The following FAM78B variants were observed in gnomAD, a reference collection of about 807,000 sequenced individuals.
FAM78B encodes family with sequence similarity 78 member B, also known as protein FAM78B.
FAM78B carries 10 observed loss-of-function variants against 20.0 expected under a neutral mutation model. The observed-to-expected ratio is 0.50, with a 90% CI of 0.31 to 0.85. The LOEUF is 0.85. Ranked by LOEUF, FAM78B falls within the 40% of genes least tolerant of loss-of-function variation. The pLI is 0.05. For synonymous variants in FAM78B, 135 were observed against 132.8 expected (o/e 1.02, Z -0.12); for missense variants, 283 against 345.0 (o/e 0.82, Z 1.42).
At chr1:166,085,045 C>T (rs1265047325) in intron 1 of FAM78B, among the ~76,000 whole-genome samples, 1 of 152,194 alleles carries the variant, frequency 6.6e-6, no homozygotes, top group Non-Finnish European at 1.5e-5. Flanking sequence ...AAGGAAGACT[C>T]CTAGTATGGA....
rs528358161 is a variant in FAM78B, at chr1:166,138,333, CCT to C, written c.263+27651_263+27652del. On this transcript the variant is annotated intron_variant, in intron 1 of 1. Coordinates refer to ENST00000354422, the MANE Select transcript of FAM78B (RefSeq NM_001017961.5). ...GGTCCTTCAAGGAAGTTGCCCACCCCCTGTGTTTCTCTTTCTTCATCCTCAAT... is the reference window on the plus strand; with the variant it reads ...GGTCCTTCAAGGAAGTTGCCCACCCCGTGTTTCTCTTTCTTCATCCTCAAT... Among the ~76,000 whole-genome samples the C allele has an allele frequency of 2.1e-4, 32 of 152,238 alleles. No homozygotes were observed. The East Asian group carries it at 2.9e-3, about 14-fold the overall frequency.
At chr1:166,131,443 G>A (rs868299645) in intron 1 of FAM78B, among the ~76,000 whole-genome samples, 155 of 152,292 alleles carry the variant, frequency 1.0e-3, no homozygotes, top group Middle Eastern at 3.4e-3. Context: ...ACTGTTCCAC[G>A]TTACAGAGGG....
chr1:166,110,688 G>A (rs977874674), intron 1 of FAM78B, among the ~76,000 whole-genome samples: 1 of 152,170 alleles, frequency 6.6e-6, no homozygotes, highest in African/African-American at 2.4e-5. Flanking sequence ...GGAGACCTGA[G>A]GAGTCTCTGC....
intron 1 of FAM78B, among the ~76,000 whole-genome samples, chr1:166,123,384 T>C (rs2101770727): frequency 6.6e-6 from 1 of 152,372 alleles, no homozygotes; most frequent in Admixed American, 6.5e-5. Context: ...TCTCCATTCC[T>C]ACTTCAATGA....
intron 1 of FAM78B, among the ~76,000 whole-genome samples, chr1:166,127,439 T>C (rs1557910066): frequency 6.6e-6 from 1 of 152,194 alleles, no homozygotes; most frequent in Admixed American, 6.5e-5. Context: ...CTCTATTACA[T>C]GGAGAGTCCA....
downstream of FAM78B, among the ~76,000 whole-genome samples, chr1:166,066,242 T>A (rs1033200492): frequency 2.0e-5 from 3 of 152,216 alleles, no homozygotes; most frequent in African/African-American, 7.2e-5. Context: ...AGTACTCTGC[T>A]AAGAGCTGCT....
At chr1:166,105,335 A>G (rs1222346221) in intron 1 of FAM78B, among the ~76,000 whole-genome samples, 2 of 152,194 alleles carry the variant, frequency 1.3e-5, no homozygotes, top group Admixed American at 1.3e-4. Flanking sequence ...CAATGGCAAC[A>G]AAAGCCAAAA....
chr1:166,081,377 C>G (rs1652567549), intron 1 of FAM78B: 1 of 152,170 alleles, frequency 6.6e-6, no homozygotes. Context: ...CCTCTGCTGA[C>G]TTGTTTCAAT....
intron 1 of FAM78B, among the ~76,000 whole-genome samples, chr1:166,141,209 C>A (rs1021083938): frequency 1.3e-5 from 2 of 152,194 alleles, no homozygotes; most frequent in African/African-American, 4.8e-5. Context: ...CAGCAATGTG[C>A]AACGTACATA....
intron 1 of FAM78B, among the ~76,000 whole-genome samples, chr1:166,122,190 G>A (rs1254285744): frequency 1.3e-5 from 2 of 152,174 alleles, no homozygotes; most frequent in African/African-American, 4.8e-5. Context: ...TAGGGGAGGA[G>A]ATAAGCATAG....
chr1:166,116,028 G>A (rs983549418), intron 1 of FAM78B, among the ~76,000 whole-genome samples: 2 of 152,206 alleles, frequency 1.3e-5, no homozygotes, highest in Non-Finnish European at 2.9e-5. Context: ...GTGTGTGAGT[G>A]CACACAGCTA....
chr1:166,150,981 G>A (rs1426774223), intron 1 of FAM78B, among the ~76,000 whole-genome samples: 1 of 152,176 alleles, frequency 6.6e-6, no homozygotes, highest in Non-Finnish European at 1.5e-5. Flanking sequence ...GAAATGTTTA[G>A]AAGTTGGATG....
intron 1 of FAM78B, among the ~76,000 whole-genome samples, chr1:166,108,566 G>A (rs2101754374): frequency 6.6e-6 from 1 of 152,252 alleles, no homozygotes; most frequent in South Asian, 2.1e-4. Context: ...AATCAATATT[G>A]TGAAAATGAC....
At chr1:166,084,199 T>C (rs1014617665) in intron 1 of FAM78B, among the ~76,000 whole-genome samples, 3 of 118,248 alleles carry the variant, frequency 2.5e-5, no homozygotes, top group African/African-American at 6.9e-5. Flanking sequence ...ACAGAGGATG[T>C]AGAAACCACA....
At chr1:166,153,782 C>A (rs566123635) in intron 1 of FAM78B, among the ~76,000 whole-genome samples, 3 of 152,202 alleles carry the variant, frequency 2.0e-5, no homozygotes, top group African/African-American at 7.2e-5. Context: ...GCCAGGCAGG[C>A]AGTGATGGCA....
Position 166,061,851 on chromosome 1 carries a change from T to G in FAM78B, c.*410-1188A>C, listed in dbSNP as rs4359017. Among the ~76,000 whole-genome samples, 1,032 of 152,274 alleles carry G rather than the reference T, an allele frequency of 6.8e-3. 6 individuals are homozygous for G. Among genetic ancestry groups the G allele is most frequent in the Non-Finnish European group, 0.012 (783 of 68,020 alleles). ...ATAGAGGGGAATGAGTGGGGCACAATGTGGTTGCACGTGTGCAGAGGCCTT... is the reference window on the plus strand; with the variant it reads ...ATAGAGGGGAATGAGTGGGGCACAAGGTGGTTGCACGTGTGCAGAGGCCTT... On this transcript the variant is annotated intron_variant and NMD_transcript_variant, in intron 2 of 2. Coordinates refer to the FAM78B transcript ENST00000435676.
chr1:166,131,646 T>C (rs1288546438), intron 1 of FAM78B, among the ~76,000 whole-genome samples: 3 of 152,158 alleles, frequency 2.0e-5, no homozygotes, highest in Admixed American at 1.3e-4. Flanking sequence ...TTGGGCTCAA[T>C]ATGAAGAAGA....
intron 1 of FAM78B, among the ~76,000 whole-genome samples, chr1:166,121,160 CAT>C (rs1654452313): frequency 1.3e-5 from 2 of 152,302 alleles, no homozygotes; most frequent in East Asian, 1.9e-4. Flanking sequence ...AAATCAAAGA[CAT>C]GTTGCACTAT....
intron 1 of FAM78B, among the ~76,000 whole-genome samples, chr1:166,082,013 C>T (rs1280844289): frequency 2.0e-5 from 3 of 152,226 alleles, no homozygotes; most frequent in African/African-American, 7.2e-5. Context: ...CATTTCTCCT[C>T]TATCCGGGAC....
Sources: gnomAD v4.1 joint callset for allele counts (sites outside exome capture counted in the v4.1 genomes callset) on GRCh38, gnomAD v4.1.1 for gene constraint, MANE v1.5 for transcripts, NCBI Gene and HGNC (gene_info 2026-07-23, HGNC 2026-07-21) for gene names.